The following PRKCA variants were observed in gnomAD, a reference collection of about 807,000 sequenced individuals.
The protein encoded by PRKCA is protein kinase C alpha type.
PRKCA carries 27 observed loss-of-function variants against 87.0 expected under a neutral mutation model. That is an observed-to-expected ratio of 0.31 (90% CI 0.23 to 0.43). PRKCA has a LOEUF of 0.43. Among genes scored for constraint, PRKCA ranks in the 20% least tolerant of loss-of-function variants. The pLI is 1.00. For missense variants in PRKCA, 518 were observed against 852.3 expected (o/e 0.61, Z 4.88); for synonymous variants, 329 against 311.1 (o/e 1.06, Z -0.61).
intron 8 of PRKCA, among the ~76,000 whole-genome samples, chr17:66,728,825 T>C (rs8074299): frequency 0.11 from 17,325 of 152,176 alleles, 1,146 homozygotes; most frequent in East Asian, 0.29. Context: ...GTCAGAGGAG[T>C]CCAGCATAGC....
At chr17:66,668,522 A>G (rs894672224) in intron 5 of PRKCA, among the ~76,000 whole-genome samples, 2 of 152,226 alleles carry the variant, frequency 1.3e-5, no homozygotes, top group African/African-American at 2.4e-5. Context: ...AAGAGCCATG[A>G]ACATCAACTT....
intron 2 of PRKCA, among the ~76,000 whole-genome samples, chr17:66,325,302 T>C (rs1042216662): frequency 6.6e-6 from 1 of 152,236 alleles, no homozygotes; most frequent in African/African-American, 2.4e-5. Flanking sequence ...ATGTTAAATT[T>C]TTCTAATTTT....
chr17:66,797,296 G>A (rs182215926), intron 16 of PRKCA, among the ~76,000 whole-genome samples: 110 of 152,300 alleles, frequency 7.2e-4, no homozygotes, highest in African/African-American at 2.4e-3. Flanking sequence ...CCCAGAGTCC[G>A]TGTCATTCAT....
At chr17:66,591,684 A>G (rs1232075844) in intron 3 of PRKCA, among the ~76,000 whole-genome samples, 1 of 152,124 alleles carries the variant, frequency 6.6e-6, no homozygotes, top group Non-Finnish European at 1.5e-5. Context: ...TTGGAAGAAA[A>G]AGTTGGTTTG....
At chr17:66,626,791 G>A (rs1970871007) in intron 3 of PRKCA, among the ~76,000 whole-genome samples, 1 of 152,220 alleles carries the variant, frequency 6.6e-6, no homozygotes, top group Admixed American at 6.5e-5. Context: ...ACAGGCATGA[G>A]CCATCGCGCC....
At chr17:66,359,323 A>T (rs1908247339) in intron 2 of PRKCA, among the ~76,000 whole-genome samples, 1 of 152,186 alleles carries the variant, frequency 6.6e-6, no homozygotes, top group South Asian at 2.1e-4. Flanking sequence ...AACAGAAATG[A>T]TAAACTTATA....
chr17:66,401,758 CATTGAAGATAACCCACAG>C (rs1911046372), intron 2 of PRKCA, among the ~76,000 whole-genome samples: 1 of 152,144 alleles, frequency 6.6e-6, no homozygotes. Flanking sequence ...ACAGAGGGAA[CATTGAAGATAACCCACAG>C]ATTTCTGGCA....
At chr17:66,543,562 C>T (rs1298806803) in intron 3 of PRKCA, among the ~76,000 whole-genome samples, 1 of 152,108 alleles carries the variant, frequency 6.6e-6, no homozygotes, top group African/African-American at 2.4e-5. Context: ...AGGAAACTCT[C>T]CCAGACTTGT....
chr17:66,556,257 C>T (rs1968490577), intron 3 of PRKCA, among the ~76,000 whole-genome samples: 1 of 151,722 alleles, frequency 6.6e-6, no homozygotes, highest in Non-Finnish European at 1.5e-5. Flanking sequence ...TGCATTTGTA[C>T]CTGGAGTCAT....
chr17:66,448,105 T>G (rs1254144390), intron 2 of PRKCA, among the ~76,000 whole-genome samples: 2 of 152,208 alleles, frequency 1.3e-5, no homozygotes, highest in Non-Finnish European at 2.9e-5. Flanking sequence ...TTCTTTAGAA[T>G]AGAATCGTGG....
chr17:66,453,602 G>A (rs139033721), intron 2 of PRKCA, among the ~76,000 whole-genome samples: 2,169 of 152,232 alleles, frequency 0.014, 55 homozygotes, highest in African/African-American at 0.05. Context: ...ATAGACGTGA[G>A]CCACTGCGCC....
intron 1 of PRKCA, among the ~76,000 whole-genome samples, chr17:66,303,724 C>T (rs754823204): frequency 5.9e-5 from 9 of 152,108 alleles, no homozygotes; most frequent in Non-Finnish European, 8.8e-5. Context: ...CCCTGTCGGC[C>T]AGGCGCGGTG....
chr17:66,609,686 G>A (rs1970297851), intron 3 of PRKCA, among the ~76,000 whole-genome samples: 1 of 151,724 alleles, frequency 6.6e-6, no homozygotes, highest in African/African-American at 2.4e-5. Flanking sequence ...GGAAGGGAAC[G>A]GGGAAAAAAA....
At chr17:66,532,821 TGAACATGGGAGGTAC>T (rs1967612942) in intron 3 of PRKCA, among the ~76,000 whole-genome samples, 1 of 152,218 alleles carries the variant, frequency 6.6e-6, no homozygotes. Flanking sequence ...CTGCCTCTCC[TGAACATGGGAGGTAC>T]ACAAGGCCTT....
intron 14 of PRKCA, among the ~76,000 whole-genome samples, chr17:66,779,015 T>C (rs1975136916): frequency 6.6e-6 from 1 of 152,118 alleles, no homozygotes. Flanking sequence ...TCAATGCAAA[T>C]TTAAATGTAT....
At chr17:66,432,501 C>T (rs1260688101) in intron 2 of PRKCA, among the ~76,000 whole-genome samples, 1 of 152,060 alleles carries the variant, frequency 6.6e-6, no homozygotes, top group Non-Finnish European at 1.5e-5. Flanking sequence ...AATCTTCCTC[C>T]CTGATAATAT....
intron 3 of PRKCA, among the ~76,000 whole-genome samples, chr17:66,585,364 G>A (rs1167360150): frequency 1.3e-5 from 2 of 152,196 alleles, no homozygotes; most frequent in Admixed American, 1.3e-4. Context: ...CAAGCTTCCA[G>A]CTTGCTTATC....
chr17:66,698,499 A>G (rs1339132043), intron 8 of PRKCA, among the ~76,000 whole-genome samples: 1 of 152,194 alleles, frequency 6.6e-6, no homozygotes, highest in African/African-American at 2.4e-5. Context: ...GATCAAGTAG[A>G]AGAAAGAATC....
At position 66,676,109 on chromosome 17, in the gene PRKCA, G is replaced by A. The variant is rs139897744; in HGVS notation, c.530-11002G>A. On this transcript the variant is annotated intron_variant, in intron 5 of 16. Coordinates refer to ENST00000413366, the MANE Select transcript of PRKCA (RefSeq NM_002737.3). ...TCCCGGTGCAGAACTGACTTGTGGC[G>A]ACGTGAGGGAACTGGCAGCTTCTTA... is the stretch of plus-strand genomic sequence containing the variant. Among the ~76,000 whole-genome samples, 104 of 152,222 alleles carry A rather than the reference G, an allele frequency of 6.8e-4. 1 individual carries two copies. Among genetic ancestry groups the A allele is most frequent in the Non-Finnish European group, 8.2e-4 (56 of 68,004 alleles).
Sources: allele counts gnomAD v4.1 joint callset (sites outside exome capture counted in the v4.1 genomes callset), GRCh38; gene constraint gnomAD v4.1.1; transcripts MANE v1.5; gene names NCBI Gene and HGNC (gene_info 2026-07-23, HGNC 2026-07-21).